ST6GALNAC5: variants seen among roughly 807,000 people sequenced by gnomAD.
The protein encoded by ST6GALNAC5 is alpha-N-acetylgalactosaminide alpha-2,6-sialyltransferase 5.
A neutral mutation model predicts 33.6 loss-of-function variants in ST6GALNAC5; 27 were observed. The observed-to-expected ratio is 0.80, with a 90% confidence interval of 0.59 to 1.11. The LOEUF is 1.11. Ranked by LOEUF, ST6GALNAC5 falls within the 50% of genes least tolerant of loss-of-function variation. The pLI, the probability that ST6GALNAC5 is intolerant of heterozygous loss-of-function variation, is 0.00. For missense variants in ST6GALNAC5, 428 were observed against 454.0 expected (o/e 0.94, Z 0.52); for synonymous variants, 194 against 171.2 (o/e 1.13, Z -1.04).
At chr1:76,976,612 A>G (rs1649023487) in intron 2 of ST6GALNAC5, among the ~76,000 whole-genome samples, 1 of 152,182 alleles carries the variant, frequency 6.6e-6, no homozygotes. Context: ...GGTTTTTGCA[A>G]TACTATGGGT....
At chr1:77,046,122 A>G (rs1466556370) in intron 3 of ST6GALNAC5, among the ~76,000 whole-genome samples, 1 of 152,172 alleles carries the variant, frequency 6.6e-6, no homozygotes, top group Non-Finnish European at 1.5e-5. Flanking sequence ...CTTATCTTTA[A>G]ACTAAAGGAG....
At chr1:76,916,365 TTTAA>T (rs1356434481) in intron 2 of ST6GALNAC5, among the ~76,000 whole-genome samples, 1 of 152,208 alleles carries the variant, frequency 6.6e-6, no homozygotes, top group African/African-American at 2.4e-5. Context: ...TTGTTTTCTC[TTTAA>T]TTCTCTTTAA....
chr1:77,014,232 C>G (rs964409587), intron 2 of ST6GALNAC5, among the ~76,000 whole-genome samples: 1 of 152,138 alleles, frequency 6.6e-6, no homozygotes, highest in African/African-American at 2.4e-5. Context: ...ATTTTAAATC[C>G]CATGATCCAT....
At chr1:77,047,734 T>C (rs907483683) in intron 3 of ST6GALNAC5, among the ~76,000 whole-genome samples, 3 of 152,200 alleles carry the variant, frequency 2.0e-5, no homozygotes, top group Non-Finnish European at 2.9e-5. Flanking sequence ...GTAAATGAAA[T>C]AACTGCAGGA....
chr1:76,972,535 G>T (rs1316267247), intron 2 of ST6GALNAC5, among the ~76,000 whole-genome samples: 1 of 152,060 alleles, frequency 6.6e-6, no homozygotes, highest in African/African-American at 2.4e-5. Flanking sequence ...TTTCAATAAT[G>T]TATACGTTTG....
At chr1:76,898,071 G>A (rs1252681910) in intron 2 of ST6GALNAC5, among the ~76,000 whole-genome samples, 4 of 152,240 alleles carry the variant, frequency 2.6e-5, no homozygotes, top group Non-Finnish European at 4.4e-5. Context: ...GAAGGAGTCA[G>A]TCAGAGAGCC....
intron 2 of ST6GALNAC5, among the ~76,000 whole-genome samples, chr1:77,004,562 G>T (rs1208448967): frequency 5.6e-4 from 76 of 135,226 alleles, no homozygotes; most frequent in African/African-American, 1.7e-3. Flanking sequence ...AGGAGGAGAG[G>T]CGCTCTGTGT....
Position 77,065,296 on chromosome 1 carries a change from T to C in ST6GALNAC5, c.*2090T>C, listed in dbSNP as rs867154046. 1 of 152,200 alleles carries C rather than the reference T, an allele frequency of 6.6e-6. No homozygotes were observed. Among genetic ancestry groups the C allele is most frequent in the South Asian group, 2.1e-4 (1 of 4,826 alleles). 9.4% of individuals were successfully genotyped at this position (152,200 alleles called of 1,614,324 possible). A position where few individuals can be genotyped will look rare whatever the true frequency, so the allele number is the denominator to read the frequency against. Reference sequence around the variant, plus strand: ...TAGTTTCAACATGCAAGAATGTAATTATATTGCTTCATCTAATAATATCTC... The same window carrying C: ...TAGTTTCAACATGCAAGAATGTAATCATATTGCTTCATCTAATAATATCTC... On this transcript the variant is annotated 3_prime_UTR_variant, in exon 5 of 5. Transcript: ENST00000477717.
At chr1:77,031,213 C>T (rs780513287) in intron 2 of ST6GALNAC5, among the ~76,000 whole-genome samples, 4 of 152,194 alleles carry the variant, frequency 2.6e-5, no homozygotes, top group Non-Finnish European at 2.9e-5. Flanking sequence ...AATCCTGTTT[C>T]TACCCTCATG....
chr1:77,031,478 G>A (rs901083674), intron 2 of ST6GALNAC5, among the ~76,000 whole-genome samples: 10 of 152,120 alleles, frequency 6.6e-5, no homozygotes, highest in East Asian at 1.9e-4. Context: ...CTTTGCAGTC[G>A]TCAGTGTCCA....
chr1:76,996,592 G>C (rs914452383), intron 2 of ST6GALNAC5, among the ~76,000 whole-genome samples: 1 of 152,184 alleles, frequency 6.6e-6, no homozygotes, highest in Non-Finnish European at 1.5e-5. Flanking sequence ...ATTAGCTCAA[G>C]TTCGAAACAA....
intron 2 of ST6GALNAC5, among the ~76,000 whole-genome samples, chr1:77,012,020 C>T (rs1290422915): frequency 1.3e-5 from 2 of 152,122 alleles, no homozygotes; most frequent in Non-Finnish European, 2.9e-5. Flanking sequence ...GGTTCCATAG[C>T]GGTCAAGTGG....
At chr1:76,952,414 G>T (rs1354922087) in intron 2 of ST6GALNAC5, among the ~76,000 whole-genome samples, 1 of 152,106 alleles carries the variant, frequency 6.6e-6, no homozygotes, top group Non-Finnish European at 1.5e-5. Flanking sequence ...TTTAGATGAG[G>T]TCACAAGTGT....
chr1:76,956,329 C>T (rs1181079539), intron 2 of ST6GALNAC5, among the ~76,000 whole-genome samples: 1 of 151,780 alleles, frequency 6.6e-6, no homozygotes, highest in African/African-American at 2.4e-5. Context: ...TGCTGTGTTA[C>T]AGGAACTATT....
chr1:76,917,150 T>C (rs1252579), intron 2 of ST6GALNAC5, among the ~76,000 whole-genome samples: 72,015 of 151,882 alleles, frequency 0.47, 17,586 homozygotes, highest in African/African-American at 0.57. Context: ...TTCACCCTGC[T>C]TTGAACCAAG....
chr1:76,912,997 C>A (rs1021882317), intron 2 of ST6GALNAC5, among the ~76,000 whole-genome samples: 1 of 152,022 alleles, frequency 6.6e-6, no homozygotes, highest in Non-Finnish European at 1.5e-5. Flanking sequence ...TTAGTTGATG[C>A]AGTTTCTTCC....
intron 2 of ST6GALNAC5, among the ~76,000 whole-genome samples, chr1:76,997,788 C>T (rs1482332554): frequency 6.6e-6 from 1 of 152,140 alleles, no homozygotes; most frequent in Non-Finnish European, 1.5e-5. Flanking sequence ...CACTTGAGGC[C>T]AGGAGTTCAA....
chr1:76,962,480 G>A (rs1370905661), intron 2 of ST6GALNAC5, among the ~76,000 whole-genome samples: 1 of 152,174 alleles, frequency 6.6e-6, no homozygotes, highest in East Asian at 1.9e-4. Context: ...TTTTAACAGA[G>A]ACCTATTTAC....
At position 77,065,003 on chromosome 1, in the gene ST6GALNAC5, T is replaced by G. The variant is rs1652727238; in HGVS notation, c.*1797T>G. Reference sequence around the variant, plus strand: ...TATGGCTTGGGCTGTTCAAAGCCAGTAAGATTGAAATGGCCGTCCAAAACA... The same window carrying G: ...TATGGCTTGGGCTGTTCAAAGCCAGGAAGATTGAAATGGCCGTCCAAAACA... On this transcript the variant is annotated 3_prime_UTR_variant, in exon 5 of 5. Coordinates refer to ENST00000477717, the MANE Select transcript of ST6GALNAC5 (RefSeq NM_030965.3). 2 of 152,196 alleles carry G rather than the reference T, an allele frequency of 1.3e-5. No individual in the cohort carries two copies. The highest frequency in any genetic ancestry group is 6.5e-5 in the Admixed American group (1 of 15,274). 9.4% of individuals were successfully genotyped at this position (152,196 alleles called of 1,614,324 possible). A position where few individuals can be genotyped will look rare whatever the true frequency, so the allele number is the denominator to read the frequency against.
Sources: gnomAD v4.1 joint callset for allele counts (sites outside exome capture counted in the v4.1 genomes callset) on GRCh38, gnomAD v4.1.1 for gene constraint, MANE v1.5 for transcripts, NCBI Gene and HGNC (gene_info 2026-07-23, HGNC 2026-07-21) for gene names.